The following CNGB1 variants were observed in gnomAD, a reference collection of about 807,000 sequenced individuals.
The protein encoded by CNGB1 is cyclic nucleotide-gated channel beta-1.
A neutral mutation model predicts 151.7 loss-of-function variants in CNGB1; 126 were observed. The ratio of observed to expected loss-of-function variants is 0.83; its 90% CI spans 0.72 to 0.96. The LOEUF (loss-of-function observed/expected upper bound fraction) is 0.96. CNGB1 is among the 40% of genes least tolerant of loss of function. The pLI, the probability that CNGB1 is intolerant of heterozygous loss-of-function variation, is 0.00. For missense variants in CNGB1, 1,698 were observed against 1,627.0 expected (o/e 1.04, Z -0.75); for synonymous variants, 623 against 635.1 (o/e 0.98, Z 0.29).
intron 2 of CNGB1, 31 bp from the exon 3 acceptor site, chr16:57,964,575 C>T (rs367748210): frequency 6.8e-6 from 11 of 1,612,978 alleles, no homozygotes; most frequent in Non-Finnish European, 9.3e-6. Flanking sequence ...CATGTAAGTC[C>T]TAGGTGAGAC....
chr16:57,939,415 C>T lies in CNGB1; in HGVS notation c.1372+15G>A. The T allele has an allele frequency of 6.2e-7, 1 of 1,613,994 alleles. No homozygotes were observed. The highest frequency in any genetic ancestry group is 8.5e-7 in the Non-Finnish European group (1 of 1,180,006). On this transcript the variant is annotated intron_variant, in intron 16 of 32. Transcript: ENST00000251102. ...ACATTCTTGCGCAACCCATCACCAC[C>T]ACCACCACACCTACCTCCTGAACTG...
At chr16:57,908,999 G>A (rs1429874324) in intron 25 of CNGB1, among the ~76,000 whole-genome samples, 4 of 152,188 alleles carry the variant, frequency 2.6e-5, no homozygotes, top group African/African-American at 9.7e-5. Flanking sequence ...CTTAAAATGA[G>A]GTGCACACCT....
At chr16:57,968,909 T>C (rs937974396) in intron 1 of CNGB1, among the ~76,000 whole-genome samples, 4 of 150,120 alleles carry the variant, frequency 2.7e-5, no homozygotes, top group African/African-American at 9.8e-5. Context: ...TGTGCACCTG[T>C]AGTCCCAGCT....
At chr16:57,954,664 G>A in intron 12 of CNGB1, 3 of 978,402 alleles carry the variant, frequency 3.1e-6, no homozygotes, top group Non-Finnish European at 3.6e-6. Flanking sequence ...TAATATCAAT[G>A]CAATCACAGG....
intron 21 of CNGB1, among the ~76,000 whole-genome samples, chr16:57,916,631 TG>T (rs754249533): frequency 9.2e-5 from 14 of 151,832 alleles, no homozygotes; most frequent in Non-Finnish European, 1.9e-4. Flanking sequence ...ACTGCCGGGG[TG>T]GAATTTTGGA....
intron 7 of CNGB1, among the ~76,000 whole-genome samples, chr16:57,961,581 T>A (rs1962256043): frequency 6.6e-6 from 1 of 152,092 alleles, no homozygotes; most frequent in Non-Finnish European, 1.5e-5. Flanking sequence ...GCTGCATATG[T>A]CTCAGAAGGA....
intron 12 of CNGB1, 87 bp downstream of exon 12, chr16:57,957,254 G>T: frequency 2.3e-6 from 3 of 1,295,300 alleles, no homozygotes; most frequent in Non-Finnish European, 3.4e-6. Flanking sequence ...GCCAGGGACA[G>T]CCCCCCTGCC....
intron 8 of CNGB1, 40 bp downstream of exon 8, chr16:57,960,800 C>A: frequency 1.3e-6 from 2 of 1,599,828 alleles, no homozygotes; most frequent in Non-Finnish European, 1.7e-6. Flanking sequence ...AGAAGCCCCC[C>A]CATATACTCA....
chr16:57,919,718 T>C (rs140926148), intron 19 of CNGB1, among the ~76,000 whole-genome samples: 7 of 152,146 alleles, frequency 4.6e-5, no homozygotes, highest in Non-Finnish European at 8.8e-5. Context: ...AACTCTTTCA[T>C]CTCTAAAAAC....
chr16:57,965,538 C>A (rs1962373156), intron 2 of CNGB1, among the ~76,000 whole-genome samples: 1 of 152,050 alleles, frequency 6.6e-6, no homozygotes, highest in Non-Finnish European at 1.5e-5. Context: ...TACACAGAAG[C>A]ATGTCCATAT....
chr16:57,969,012 G>GA lies in CNGB1; in HGVS notation c.-8-1719dup, dbSNP rs890057796. Among the ~76,000 whole-genome samples, 51 of 147,946 alleles carry GA rather than the reference G, an allele frequency of 3.4e-4. No individual in the cohort carries two copies. In the East Asian group the frequency reaches 3.6e-3, roughly 11 times the overall value. ...AAAGCAAGATCCTGTCTCAAAAAAA[G>GA]AAAAAAAAATGGGCCTGTTGTGGTA... On this transcript the variant is annotated intron_variant, in intron 1 of 32. Transcript: ENST00000251102.
At chr16:57,899,234 C>A (rs1359234537) in intron 29 of CNGB1, among the ~76,000 whole-genome samples, 1 of 152,220 alleles carries the variant, frequency 6.6e-6, no homozygotes, top group Non-Finnish European at 1.5e-5. Context: ...CTGCCATGCG[C>A]CTTCCAATCC....
intron 31 of CNGB1, among the ~76,000 whole-genome samples, chr16:57,895,215 G>A (rs1259216587): frequency 6.6e-6 from 1 of 152,144 alleles, no homozygotes; most frequent in Non-Finnish European, 1.5e-5. Flanking sequence ...GGAAGCCAAG[G>A]CAGGCAGATC....
chr16:57,965,514 T>G (rs1962372490), intron 2 of CNGB1, among the ~76,000 whole-genome samples: 1 of 152,170 alleles, frequency 6.6e-6, no homozygotes, highest in South Asian at 2.1e-4. Flanking sequence ...CACACACATG[T>G]GCATATTTGC....
intron 16 of CNGB1, among the ~76,000 whole-genome samples, chr16:57,938,360 T>C (rs1961568416): frequency 6.6e-6 from 1 of 152,216 alleles, no homozygotes; most frequent in East Asian, 1.9e-4. Flanking sequence ...AAGCTCAGGA[T>C]ACCCAGGGTT....
intron 2 of CNGB1, 89 bp downstream of exon 2, chr16:57,967,039 G>A (rs1025603470): frequency 3.8e-6 from 6 of 1,585,624 alleles, no homozygotes; most frequent in African/African-American, 1.3e-5. Flanking sequence ...CTTTTCTGCT[G>A]TAGAAAGTCC....
At position 57,949,399 on chromosome 16, in the gene CNGB1, C is replaced by A. The variant is rs1201067648; in HGVS notation, c.1075G>T (p.Glu359Ter). The change falls in exon 14 of 33, where the codon GAG becomes TAG. Residue 359 changes from glutamate (E) to a stop codon, truncating the protein, a stop_gained. Coordinates refer to ENST00000251102, the MANE Select transcript of CNGB1 (RefSeq NM_001297.5). LOFTEE classifies it high-confidence loss of function. ...RIEEEKEDEE[E>*]EEEEEEEEEE... ...TCCTCCTCCTCCTCTTCCTCTTCCTCCTCCTCATCTTCTTTCTCCTCTTCA... is the reference window on the plus strand; with the variant it reads ...TCCTCCTCCTCCTCTTCCTCTTCCTACTCCTCATCTTCTTTCTCCTCTTCA... The A allele has an allele frequency of 6.2e-7, 1 of 1,613,664 alleles. No homozygotes were observed. Among genetic ancestry groups the A allele is most frequent in the Non-Finnish European group, 8.5e-7 (1 of 1,180,032 alleles).
intron 1 of CNGB1, 68 bp from the exon 2 acceptor site, chr16:57,967,362 T>G: frequency 6.8e-7 from 1 of 1,477,476 alleles, no homozygotes; most frequent in Non-Finnish European, 9.5e-7. Flanking sequence ...TATGGGCCAC[T>G]CTTATGAGTT....
chr16:57,964,647 C>A, intron 2 of CNGB1, 103 bp from the exon 3 acceptor site: 1 of 1,092,316 alleles, frequency 9.2e-7, no homozygotes. Context: ...CCACAAAAGA[C>A]CTGAACGACT....
Sources: allele counts gnomAD v4.1 joint callset (sites outside exome capture counted in the v4.1 genomes callset), GRCh38; gene constraint gnomAD v4.1.1; transcripts MANE v1.5; gene names NCBI Gene and HGNC (gene_info 2026-07-23, HGNC 2026-07-21).